RAB11FIP3: variants seen among roughly 807,000 people sequenced by gnomAD.
RAB11FIP3 encodes RAB11 family interacting protein 3.
A neutral mutation model predicts 77.8 loss-of-function variants in RAB11FIP3; 17 were observed. That is an observed-to-expected ratio of 0.22 (90% confidence interval 0.15 to 0.33). The LOEUF is 0.33. RAB11FIP3 is among the 10% of genes least tolerant of loss of function. RAB11FIP3 has a pLI of 1.00. For missense variants in RAB11FIP3, 1,005 were observed against 1,011.2 expected, an observed-to-expected ratio of 0.99 and a Z score of 0.08; for synonymous variants, 437 against 448.2, an observed-to-expected ratio of 0.98 and a Z score of 0.31.
At chr16:490,658 T>C (rs1265966283) in intron 5 of RAB11FIP3, among the ~76,000 whole-genome samples, 1 of 152,234 alleles carries the variant, frequency 6.6e-6, no homozygotes, top group Non-Finnish European at 1.5e-5. Flanking sequence ...AAAACTATTG[T>C]AGATTTATCA....
intron 1 of RAB11FIP3, among the ~76,000 whole-genome samples, chr16:427,096 C>A (rs1027135431): frequency 6.6e-6 from 1 of 152,180 alleles, no homozygotes; most frequent in Non-Finnish European, 1.5e-5. Flanking sequence ...GCGATTCCCC[C>A]ACCCGAGGGC....
At chr16:473,288 A>G (rs1226037460) in intron 3 of RAB11FIP3, among the ~76,000 whole-genome samples, 2 of 152,224 alleles carry the variant, frequency 1.3e-5, no homozygotes, top group African/African-American at 4.8e-5. Flanking sequence ...AATCCTTCTC[A>G]TATTTTTAGA....
chr16:493,799 GT>G (rs1465490498), intron 5 of RAB11FIP3, among the ~76,000 whole-genome samples: 7 of 146,832 alleles, frequency 4.8e-5, no homozygotes, highest in Non-Finnish European at 1.0e-4. Context: ...TAGACACGGG[GT>G]TTCACCATGT....
At chr16:427,922 AC>A (rs1442662435) in intron 1 of RAB11FIP3, among the ~76,000 whole-genome samples, 1 of 151,486 alleles carries the variant, frequency 6.6e-6, no homozygotes, top group African/African-American at 2.4e-5. Context: ...ATATGGTGAA[AC>A]CCCGTCTCCA....
At chr16:463,430 GTTTTT>G (rs142875972) in intron 2 of RAB11FIP3, among the ~76,000 whole-genome samples, 9 of 82,270 alleles carry the variant, frequency 1.1e-4, no homozygotes, top group Admixed American at 3.1e-4. Flanking sequence ...TTGTTCCCCG[GTTTTT>G]TTTTTTTTTT....
At chr16:444,707 G>A (rs1238038716) in intron 1 of RAB11FIP3, among the ~76,000 whole-genome samples, 2 of 152,036 alleles carry the variant, frequency 1.3e-5, no homozygotes, top group Admixed American at 6.6e-5. Flanking sequence ...GGTTCAGGCC[G>A]GGTGCAGTGG....
In RAB11FIP3 at chr16:425,717, C is replaced by A; in HGVS notation, c.-290C>A. ...TCCGGCCTCCTCGGCCCCCGTCCCC[C>A]GGCCTCCTCGGCCCCCGTCCCCCGC... On this transcript the variant is annotated 5_prime_UTR_variant, in exon 1 of 14. Coordinates refer to ENST00000262305, the MANE Select transcript of RAB11FIP3 (RefSeq NM_014700.4). 1 of 309,612 alleles carries A rather than the reference C, an allele frequency of 3.2e-6. No homozygotes were observed. Among genetic ancestry groups the A allele is most frequent in the South Asian group, 1.4e-4 (1 of 7,054 alleles). 19.2% of individuals were successfully genotyped at this position (309,612 alleles called of 1,614,324 possible).
At chr16:516,714 T>C (rs1399097571) in intron 9 of RAB11FIP3, among the ~76,000 whole-genome samples, 1 of 150,486 alleles carries the variant, frequency 6.6e-6, no homozygotes, top group Non-Finnish European at 1.5e-5. Context: ...CTGTCTCTAC[T>C]GAAAATACAA....
At chr16:513,750 C>G (rs574377578) in intron 9 of RAB11FIP3, among the ~76,000 whole-genome samples, 2 of 152,334 alleles carry the variant, frequency 1.3e-5, no homozygotes, top group African/African-American at 4.8e-5. Context: ...ATTTTCAAAA[C>G]TGGTGGCAGG....
intron 1 of RAB11FIP3, among the ~76,000 whole-genome samples, chr16:460,159 T>C (rs1003735269): frequency 2.0e-4 from 31 of 152,082 alleles, no homozygotes; most frequent in African/African-American, 7.2e-4. Flanking sequence ...ATTACAGGTG[T>C]GAGCCACCGC....
intron 3 of RAB11FIP3, among the ~76,000 whole-genome samples, chr16:473,281 CCTT>C (rs1467896111): frequency 6.6e-6 from 1 of 152,276 alleles, no homozygotes; most frequent in African/African-American, 2.4e-5. Flanking sequence ...CAGAGCTAAT[CCTT>C]CTCATATTTT....
intron 1 of RAB11FIP3, among the ~76,000 whole-genome samples, chr16:438,881 G>A (rs1000040992): frequency 6.6e-6 from 1 of 152,116 alleles, no homozygotes; most frequent in African/African-American, 2.4e-5. Flanking sequence ...GCAGAGACGG[G>A]GTTTCACTAT....
chr16:470,653 A>G lies in RAB11FIP3; in HGVS notation c.809-642A>G, dbSNP rs2055791448. ...ACGCTGGAAGCCAGTGCCTTTTCCT[A>G]CAGGAGGAGAGGCAGGTGCTGCGGG... On this transcript the variant is annotated intron_variant, in intron 2 of 13. Coordinates refer to ENST00000262305, the MANE Select transcript of RAB11FIP3 (RefSeq NM_014700.4). 2.0e-5 allele frequency among the ~76,000 whole-genome samples: 3 copies of G among 152,272 alleles called. No homozygotes were observed. The South Asian group carries it at 6.2e-4, about 32-fold the overall frequency.
At chr16:435,931 G>A (rs1327028762) in intron 1 of RAB11FIP3, among the ~76,000 whole-genome samples, 1 of 152,170 alleles carries the variant, frequency 6.6e-6, no homozygotes, top group Non-Finnish European at 1.5e-5. Flanking sequence ...GATGCTTTAT[G>A]AAGATGGGCT....
chr16:440,604 G>T (rs1364717039), intron 1 of RAB11FIP3, among the ~76,000 whole-genome samples: 1 of 152,220 alleles, frequency 6.6e-6, no homozygotes, highest in Non-Finnish European at 1.5e-5. Flanking sequence ...CCCTTGCTTT[G>T]CTGGCCGTGT....
intron 5 of RAB11FIP3, among the ~76,000 whole-genome samples, chr16:490,099 C>G (rs2030041999): frequency 6.6e-6 from 1 of 152,236 alleles, no homozygotes; most frequent in Non-Finnish European, 1.5e-5. Context: ...TCCCTGTCTC[C>G]TGTTCAGTGT....
In RAB11FIP3 at chr16:471,737, G is replaced by A. The variant is rs1261728063; in HGVS notation, c.903+348G>A. Among the ~76,000 whole-genome samples the A allele has an allele frequency of 6.6e-6, 1 of 152,184 alleles. No individual in the cohort carries two copies. Among genetic ancestry groups the A allele is most frequent in the African/African-American group, 2.4e-5 (1 of 41,448 alleles). On this transcript the variant is annotated intron_variant, in intron 3 of 13. Coordinates refer to ENST00000262305, the MANE Select transcript of RAB11FIP3 (RefSeq NM_014700.4). The surrounding 1 kb of genome is among the most constrained non-coding windows in gnomAD (Gnocchi z 4.4). ...TGTCAACTTGCAAATGATTTTCTGT[G>A]TTTGGGGATGCCTGACTAATGCCTG... is the stretch of plus-strand genomic sequence containing the variant.
At chr16:500,159 G>A (rs1002271844) in intron 6 of RAB11FIP3, among the ~76,000 whole-genome samples, 7 of 152,182 alleles carry the variant, frequency 4.6e-5, no homozygotes, top group Non-Finnish European at 7.3e-5. Flanking sequence ...CGGGGGCTCC[G>A]GGCAGAGCCG....
At chr16:465,512 A>G (rs1215260760) in intron 2 of RAB11FIP3, among the ~76,000 whole-genome samples, 2 of 152,166 alleles carry the variant, frequency 1.3e-5, no homozygotes, top group Non-Finnish European at 2.9e-5. Flanking sequence ...GCAGTGTGGC[A>G]GGGCATCTCA....
Sources: allele counts gnomAD v4.1 joint callset (sites outside exome capture counted in the v4.1 genomes callset), GRCh38; gene constraint gnomAD v4.1.1; non-coding constraint Gnocchi (gnomAD v3.1); transcripts MANE v1.5; gene names NCBI Gene and HGNC (gene_info 2026-07-23, HGNC 2026-07-21).